Variants in DOCK1 observed in about 807,000 individuals in gnomAD.
DOCK1 encodes the protein dedicator of cytokinesis protein 1.
DOCK1 carries 138 observed loss-of-function variants against 262.7 expected under a neutral mutation model. That is an observed-to-expected ratio of 0.53 (90% confidence interval 0.46 to 0.61). DOCK1 has a LOEUF of 0.61. DOCK1 is among the 20% of genes least tolerant of loss of function. The pLI is 0.00. For missense variants in DOCK1, 1,908 were observed against 2,370.7 expected (o/e 0.80, Z 4.05); for synonymous variants, 866 against 867.4 (o/e 1.00, Z 0.03).
intron 27 of DOCK1, among the ~76,000 whole-genome samples, chr10:127,246,130 G>C (rs1454644284): frequency 6.6e-6 from 1 of 152,122 alleles, no homozygotes; most frequent in Admixed American, 6.5e-5. Flanking sequence ...ACCTTGTGTT[G>C]GTCATCAGAA....
chr10:127,239,377 CATTT>C (rs1296751485), intron 27 of DOCK1, among the ~76,000 whole-genome samples: 1 of 152,030 alleles, frequency 6.6e-6, no homozygotes, highest in East Asian at 1.9e-4. Context: ...CCTTACGATT[CATTT>C]ATTTAATGTT....
At position 127,136,160 on chromosome 10, in the gene DOCK1, G is replaced by A. The variant is rs147551217; in HGVS notation, c.2847+8396G>A. The A allele has an allele frequency of 5.4e-3, 817 of 151,696 alleles. 4 individuals carry two copies. The highest frequency in any genetic ancestry group is 6.9e-3 in the African/African-American group (284 of 41,378). 9.4% of individuals were successfully genotyped at this position (151,696 alleles called of 1,614,324 possible). A position where few individuals can be genotyped will look rare whatever the true frequency, so the allele number is the denominator to read the frequency against. On this transcript the variant is annotated intron_variant, in intron 27 of 51. Transcript: ENST00000623213. ...ACAACTGCAGTGTTGTTTGGCCCCCGAAGAATGTTTACACGACATACTCTT... is the reference window on the plus strand; with the variant it reads ...ACAACTGCAGTGTTGTTTGGCCCCCAAAGAATGTTTACACGACATACTCTT...
chr10:127,159,632 AT>A (rs939287563), intron 27 of DOCK1, among the ~76,000 whole-genome samples: 1 of 152,140 alleles, frequency 6.6e-6, no homozygotes, highest in Non-Finnish European at 1.5e-5. Context: ...ACCTTTGTAT[AT>A]TTATTTTAAA....
intron 25 of DOCK1, among the ~76,000 whole-genome samples, chr10:127,121,779 C>CT (rs2049597882): frequency 6.6e-6 from 1 of 152,152 alleles, no homozygotes; most frequent in African/African-American, 2.4e-5. Context: ...AAAAGGCTGA[C>CT]TTTGTATACT....
intron 7 of DOCK1, among the ~76,000 whole-genome samples, chr10:126,997,210 A>G (rs2040264640): frequency 6.6e-6 from 1 of 152,152 alleles, no homozygotes; most frequent in Admixed American, 6.5e-5. Context: ...CATGTATTCC[A>G]AGCTCATTGA....
intron 16 of DOCK1, among the ~76,000 whole-genome samples, chr10:127,026,738 T>TA (rs1349915414): frequency 3.3e-5 from 5 of 152,174 alleles, no homozygotes; most frequent in Admixed American, 3.3e-4. Context: ...CTGTAACAAA[T>TA]ACCTCTCAAA....
At chr10:126,907,747 G>A (rs1162716025) in intron 1 of DOCK1, among the ~76,000 whole-genome samples, 2 of 152,116 alleles carry the variant, frequency 1.3e-5, no homozygotes, top group Non-Finnish European at 2.9e-5. Context: ...GAGGCTGAGG[G>A]CCAGAACAGG....
chr10:127,020,706 T>G (rs1166925078), intron 13 of DOCK1, among the ~76,000 whole-genome samples: 1 of 152,172 alleles, frequency 6.6e-6, no homozygotes, highest in Non-Finnish European at 1.5e-5. Context: ...TGATTCTAGC[T>G]TGGGTGGGTC....
intron 23 of DOCK1, among the ~76,000 whole-genome samples, chr10:127,095,286 C>G (rs1429792492): frequency 6.6e-6 from 1 of 152,182 alleles, no homozygotes. Context: ...CACTGTAGCC[C>G]TATCCTGATG....
At chr10:127,198,783 G>A (rs1464041029) in intron 27 of DOCK1, among the ~76,000 whole-genome samples, 1 of 139,384 alleles carries the variant, frequency 7.2e-6, no homozygotes, top group Non-Finnish European at 1.5e-5. Flanking sequence ...TTTACATATT[G>A]TAGTGCTTAA....
intron 29 of DOCK1, among the ~76,000 whole-genome samples, chr10:127,306,213 C>T (rs2061869891): frequency 6.6e-6 from 1 of 152,052 alleles, no homozygotes; most frequent in Non-Finnish European, 1.5e-5. Flanking sequence ...TGGGGTTTCA[C>T]CATGTTTGTC....
intron 49 of DOCK1, among the ~76,000 whole-genome samples, chr10:127,442,613 A>G (rs918284796): frequency 3.9e-5 from 6 of 152,144 alleles, no homozygotes; most frequent in African/African-American, 1.4e-4. Flanking sequence ...GAGCAGGAAA[A>G]AATGCATTGA....
At chr10:127,206,290 C>T (rs1391345264) in intron 27 of DOCK1, among the ~76,000 whole-genome samples, 10 of 151,746 alleles carry the variant, frequency 6.6e-5, no homozygotes, top group South Asian at 2.1e-4. Flanking sequence ...ATTACAGGCA[C>T]CCGCCACCAT....
intron 46 of DOCK1, 89 bp from the exon 47 acceptor site, chr10:127,425,784 GT>G: frequency 6.4e-7 from 1 of 1,552,698 alleles, no homozygotes. Flanking sequence ...AAAGCAGATC[GT>G]TTTGCCAGTT....
intron 29 of DOCK1, among the ~76,000 whole-genome samples, chr10:127,270,435 C>T (rs2060520585): frequency 6.6e-6 from 1 of 152,142 alleles, no homozygotes; most frequent in Non-Finnish European, 1.5e-5. Flanking sequence ...TCACATTCTT[C>T]CCATTCTATT....
chr10:127,236,507 T>G (rs1445797418), intron 27 of DOCK1, among the ~76,000 whole-genome samples: 1 of 142,122 alleles, frequency 7.0e-6, no homozygotes, highest in East Asian at 2.0e-4. Context: ...CGGGTTTTTT[T>G]TTTTTTTTTT....
rs1364118010 is a variant in DOCK1, at chr10:127,451,764, A to T, written c.*337A>T. 3.0e-6 allele frequency: 1 copy of T among 338,646 alleles called. No individual in the cohort carries two copies. The highest frequency in any genetic ancestry group is 8.5e-5 in the East Asian group (1 of 11,744). 21.0% of individuals were successfully genotyped at this position (338,646 alleles called of 1,614,324 possible). ...AATGACTTGCATTTGCAAAGAGCTC[A>T]ATTGCTCTGAGCTCAGCCAAGTAGG... On this transcript the variant is annotated 3_prime_UTR_variant, in exon 52 of 52. Transcript: ENST00000623213.
chr10:126,906,187 G>A (rs1475120870), intron 1 of DOCK1, among the ~76,000 whole-genome samples: 1 of 152,230 alleles, frequency 6.6e-6, no homozygotes, highest in African/African-American at 2.4e-5. Context: ...CCCAGGCCTG[G>A]AGACCCTTCC....
At chr10:127,385,064 C>T (rs969556280) in intron 38 of DOCK1, among the ~76,000 whole-genome samples, 155 bp downstream of exon 38, 1 of 151,720 alleles carries the variant, frequency 6.6e-6, no homozygotes, top group African/African-American at 2.4e-5. Flanking sequence ...TCAGCTTGCA[C>T]TTAAAAGTAG....
Sources: gnomAD v4.1 joint callset for allele counts (sites outside exome capture counted in the v4.1 genomes callset) on GRCh38, gnomAD v4.1.1 for gene constraint, MANE v1.5 for transcripts, NCBI Gene and HGNC (gene_info 2026-07-23, HGNC 2026-07-21) for gene names.